Variants in SFSWAP observed in about 807,000 individuals in gnomAD.
The protein encoded by SFSWAP is splicing factor SWAP, also known as splicing factor, suppressor of white-apricot homolog.
A neutral mutation model predicts 100.7 loss-of-function variants in SFSWAP; 17 were observed. The ratio of observed to expected loss-of-function variants is 0.17; its 90% CI spans 0.12 to 0.25. The LOEUF is 0.25. SFSWAP is among the 10% of genes least tolerant of loss of function. The pLI is 1.00. For missense variants in SFSWAP, 1,005 were observed against 1,262.6 expected (o/e 0.80, Z 3.09); for synonymous variants, 504 against 510.1 (o/e 0.99, Z 0.16).
At chr12:131,750,453 T>C (rs1032097573) in intron 7 of SFSWAP, among the ~76,000 whole-genome samples, 1 of 152,088 alleles carries the variant, frequency 6.6e-6, no homozygotes, top group Non-Finnish European at 1.5e-5. Context: ...GGGGAAGAGG[T>C]GACAGCAGCA....
intron 11 of SFSWAP, among the ~76,000 whole-genome samples, chr12:131,764,027 G>A (rs2136236686): frequency 6.6e-6 from 1 of 152,330 alleles, no homozygotes; most frequent in African/African-American, 2.4e-5. Flanking sequence ...TCAGGAGGCT[G>A]AGGCAGGAGA....
At chr12:131,726,657 T>A (rs1439315635) in intron 5 of SFSWAP, among the ~76,000 whole-genome samples, 1 of 152,164 alleles carries the variant, frequency 6.6e-6, no homozygotes, top group Non-Finnish European at 1.5e-5. Flanking sequence ...ATTTTTGCCC[T>A]TTTTTAAAAA....
At chr12:131,768,101 G>A (rs1488805142) in intron 13 of SFSWAP, among the ~76,000 whole-genome samples, 1 of 152,200 alleles carries the variant, frequency 6.6e-6, no homozygotes, top group Non-Finnish European at 1.5e-5. Flanking sequence ...TCTGAGAGTC[G>A]TTGCATATGT....
chr12:131,751,397 C>T (rs915054207), intron 7 of SFSWAP, among the ~76,000 whole-genome samples: 4 of 152,206 alleles, frequency 2.6e-5, no homozygotes, highest in Admixed American at 2.0e-4. Flanking sequence ...ATGGGGTTTC[C>T]GTCCTTCCTG....
chr12:131,777,506 G>A (rs893572943), intron 13 of SFSWAP, among the ~76,000 whole-genome samples: 1 of 152,172 alleles, frequency 6.6e-6, no homozygotes, highest in Admixed American at 6.5e-5. Context: ...GTATTCCATG[G>A]TGTATATGTG....
intron 17 of SFSWAP, 65 bp from the exon 18 acceptor site, chr12:131,799,358 T>C: frequency 1.3e-6 from 2 of 1,521,464 alleles, no homozygotes; most frequent in Non-Finnish European, 1.8e-6. Context: ...TTGATGAATT[T>C]CTTCACCACG....
At chr12:131,763,359 C>G (rs1378012578) in intron 11 of SFSWAP, among the ~76,000 whole-genome samples, 1 of 152,160 alleles carries the variant, frequency 6.6e-6, no homozygotes, top group Non-Finnish European at 1.5e-5. Context: ...TTGTGGGTGC[C>G]TTGAATATTC....
intron 14 of SFSWAP, among the ~76,000 whole-genome samples, chr12:131,779,265 G>GTGTGAAGAGGGCGGCGCGGGTGAGCC (rs1424259555): frequency 2.1e-4 from 31 of 147,610 alleles, no homozygotes; most frequent in African/African-American, 5.8e-4. Context: ...GCGGGTGAGT[G>GTGTGAAGAGGGCGGCGCGGGTGAGCC]TGTGTGAAGA....
intron 13 of SFSWAP, 143 bp downstream of exon 13, chr12:131,766,451 G>A: frequency 2.6e-6 from 2 of 760,168 alleles, no homozygotes; most frequent in Non-Finnish European, 4.3e-6. Context: ...TGGTTGAGTG[G>A]CTTTTACTCT....
chr12:131,769,693 C>T (rs1883423755), intron 13 of SFSWAP, among the ~76,000 whole-genome samples: 1 of 152,168 alleles, frequency 6.6e-6, no homozygotes. Context: ...GTGGCGCAGT[C>T]TTGGCTCACT....
At position 131,764,591 on chromosome 12, in the gene SFSWAP, G is replaced by A; in HGVS notation, c.1856G>A (p.Ser619Asn). The A allele has an allele frequency of 6.2e-7, 1 of 1,614,242 alleles. No individual in the cohort carries two copies. Among genetic ancestry groups the A allele is most frequent in the Non-Finnish European group, 8.5e-7 (1 of 1,180,050 alleles). The change falls in exon 12 of 18, where the codon AGT becomes AAT. Residue 619 changes from serine (S) to asparagine (N), a missense_variant. Around this residue, in one of 7 missense-constraint regions of SFSWAP, gnomAD observed 82 missense variants for 131.0 expected, o/e 0.63. Coordinates refer to ENST00000261674, the MANE Select transcript of SFSWAP (RefSeq NM_004592.4). ...ESKEGQESSS[S>N]AANTNPAVAP... is the part of the protein sequence containing the mutation. ...AAAGAAGGCCAAGAAAGTTCTAGTAGTGCTGCAAACACTAACCCAGCAGTT... is the reference window on the plus strand; with the variant it reads ...AAAGAAGGCCAAGAAAGTTCTAGTAATGCTGCAAACACTAACCCAGCAGTT...
intron 15 of SFSWAP, among the ~76,000 whole-genome samples, chr12:131,788,530 C>T (rs1374632882): frequency 6.7e-6 from 1 of 149,574 alleles, no homozygotes; most frequent in South Asian, 2.1e-4. Context: ...CTTTTGGGGG[C>T]GTTTTTTTTT....
intron 9 of SFSWAP, 95 bp from the exon 10 acceptor site, chr12:131,755,291 G>A (rs1020899129): frequency 1.2e-6 from 1 of 841,664 alleles, no homozygotes; most frequent in Non-Finnish European, 2.0e-6. Context: ...TTGTGGGATT[G>A]TTGAGATCAG....
Position 131,718,418 on chromosome 12 carries a change from A to G in SFSWAP, c.521-1036A>G, listed in dbSNP as rs554282833. 7.7e-4 allele frequency among the ~76,000 whole-genome samples: 117 copies of G among 152,310 alleles called. No individual in the cohort carries two copies. In the South Asian group the frequency reaches 9.1e-3, roughly 12 times the overall value. On this transcript the variant is annotated intron_variant, in intron 3 of 17. Coordinates refer to ENST00000261674, the MANE Select transcript of SFSWAP (RefSeq NM_004592.4). ...TTAAAGTTTGCTATGATATTTTTGT[A>G]CATTTCAGTGTGTCTTTTTAAACTG...
intron 11 of SFSWAP, among the ~76,000 whole-genome samples, chr12:131,760,487 A>G (rs1882564794): frequency 1.3e-5 from 2 of 152,234 alleles, no homozygotes; most frequent in African/African-American, 2.4e-5. Flanking sequence ...GTTTAAAAAA[A>G]GTAACAATGA....
At chr12:131,773,257 GA>G (rs569789584) in intron 13 of SFSWAP, among the ~76,000 whole-genome samples, 171 of 152,322 alleles carry the variant, frequency 1.1e-3, no homozygotes, top group African/African-American at 3.9e-3. Flanking sequence ...AGAGAAGGGA[GA>G]AGTCTTCATT....
At chr12:131,786,666 T>C in intron 15 of SFSWAP, 78 bp downstream of exon 15, 2 of 1,469,022 alleles carry the variant, frequency 1.4e-6, no homozygotes, top group Non-Finnish European at 1.8e-6. Flanking sequence ...GAAGGTCGGG[T>C]ATCTGTGAGC....
At chr12:131,745,630 G>A (rs113495358) in intron 7 of SFSWAP, among the ~76,000 whole-genome samples, 2,976 of 152,210 alleles carry the variant, frequency 0.02, 68 homozygotes, top group Non-Finnish European at 0.026. Flanking sequence ...TGTGAATAAG[G>A]CAGCACTCTA....
chr12:131,716,164 A>G (rs1283438609), intron 3 of SFSWAP, among the ~76,000 whole-genome samples: 2 of 152,166 alleles, frequency 1.3e-5, no homozygotes, highest in Non-Finnish European at 2.9e-5. Context: ...AAACGCACAC[A>G]CCGGCTTTCC....
Sources: gnomAD v4.1 joint callset for allele counts (sites outside exome capture counted in the v4.1 genomes callset) on GRCh38, gnomAD v4.1.1 for gene constraint, gnomAD v4.1.1 regional missense constraint, MANE v1.5 for transcripts, NCBI Gene and HGNC (gene_info 2026-07-23, HGNC 2026-07-21) for gene names.